NRDC: variants seen among roughly 807,000 people sequenced by gnomAD.
The protein encoded by NRDC is nardilysin convertase.
NRDC carries 54 observed loss-of-function variants against 147.1 expected under a neutral mutation model. The observed-to-expected ratio is 0.37, with a 90% CI of 0.29 to 0.46. The LOEUF (loss-of-function observed/expected upper bound fraction) is 0.46. NRDC is among the 20% of genes least tolerant of loss of function. The pLI is 1.00. For missense variants in NRDC, 1,082 were observed against 1,370.6 expected (o/e 0.79, Z 3.33); for synonymous variants, 440 against 482.1 (o/e 0.91, Z 1.14).
intron 20 of NRDC, among the ~76,000 whole-genome samples, chr1:51,801,777 T>C (rs1399773325): frequency 6.6e-6 from 1 of 152,030 alleles, no homozygotes; most frequent in Non-Finnish European, 1.5e-5. Flanking sequence ...TGATAGTTCT[T>C]TACTTGAGGT....
intron 4 of NRDC, among the ~76,000 whole-genome samples, chr1:51,831,582 CTTTT>C (rs1232005769): frequency 7.0e-6 from 1 of 143,104 alleles, no homozygotes; most frequent in Non-Finnish European, 1.5e-5. Context: ...ATTTATCTTT[CTTTT>C]TTTTTTTTTT....
At position 51,842,525 on chromosome 1, in the gene NRDC, CTG is replaced by C. The variant is rs148272577; in HGVS notation, c.342-2013_342-2012del. Reference sequence around the variant, plus strand: ...GTCTACTGACAGCAGAATAAAAAAACTGTGGTATATTCATATAATGAAAATTT... The same window carrying C: ...GTCTACTGACAGCAGAATAAAAAAACTGGTATATTCATATAATGAAAATTT... On this transcript the variant is annotated intron_variant, in intron 1 of 30. Coordinates refer to ENST00000352171, the MANE Select transcript of NRDC (RefSeq NM_001101662.2). Among the ~76,000 whole-genome samples, 1,414 of 152,256 alleles carry C rather than the reference CTG, an allele frequency of 9.3e-3. 25 individuals are homozygous for C. Among genetic ancestry groups the C allele is most frequent in the African/African-American group, 0.032 (1,348 of 41,546 alleles).
intron 1 of NRDC, among the ~76,000 whole-genome samples, chr1:51,858,200 C>A (rs1164380701): frequency 6.6e-6 from 1 of 152,026 alleles, no homozygotes; most frequent in Non-Finnish European, 1.5e-5. Context: ...GCAAATAGGG[C>A]CAGGTGTGGT....
rs1308860654 is a variant in NRDC, at chr1:51,812,021, A to C, written c.1752T>G (p.Asp584Glu). The C allele has an allele frequency of 1.2e-6, 2 of 1,613,618 alleles. No homozygotes were observed. The highest frequency in any genetic ancestry group is 1.7e-6 in the Non-Finnish European group (2 of 1,179,718). Reference sequence around the variant, plus strand: ...CTGGCTTGTATTCAAAAAGAAGCTGATCTCCAGTGAGAATGTCCTGCAATG... The same window carrying C: ...CTGGCTTGTATTCAAAAAGAAGCTGCTCTCCAGTGAGAATGTCCTGCAATG... ...LYPLQDILTG[D>E]QLLFEYKPEV... Residue 584 changes from aspartate to glutamate, a missense_variant, in exon 15 of 31, where the codon GAT becomes GAG. Physicochemically the swap from Asp to Glu is conservative, Grantham distance 45 (BLOSUM62 2). Coordinates refer to ENST00000352171, the MANE Select transcript of NRDC (RefSeq NM_001101662.2).
intron 1 of NRDC, among the ~76,000 whole-genome samples, chr1:51,872,961 T>C (rs1571929445): frequency 6.7e-6 from 1 of 149,850 alleles, no homozygotes; most frequent in Non-Finnish European, 1.5e-5. Flanking sequence ...GTCAATCTCA[T>C]GGAATTTACA....
intron 2 of NRDC, chr1:51,837,576 T>A (rs748818682): frequency 6.9e-6 from 11 of 1,593,930 alleles, no homozygotes; most frequent in Non-Finnish European, 9.4e-6. Flanking sequence ...TAAACCACAG[T>A]CTATCAGTCA....
At chr1:51,816,718 A>C (rs79020339) in intron 10 of NRDC, among the ~76,000 whole-genome samples, 2,706 of 152,320 alleles carry the variant, frequency 0.018, 79 homozygotes, top group African/African-American at 0.062. Context: ...TTATCAGTCT[A>C]GAACCTAATA....
intron 18 of NRDC, among the ~76,000 whole-genome samples, chr1:51,806,559 T>C (rs988428301): frequency 6.6e-6 from 1 of 152,162 alleles, no homozygotes; most frequent in South Asian, 2.1e-4. Context: ...GAAAGAGAAG[T>C]AGGTGATATA....
chr1:51,850,114 T>C (rs1192600634), intron 1 of NRDC, among the ~76,000 whole-genome samples: 2 of 151,282 alleles, frequency 1.3e-5, no homozygotes, highest in Non-Finnish European at 2.9e-5. Flanking sequence ...GAGGCGGAGG[T>C]TGCAGTGAGC....
intron 22 of NRDC, among the ~76,000 whole-genome samples, chr1:51,796,132 T>C (rs1678893742): frequency 6.6e-6 from 1 of 152,046 alleles, no homozygotes; most frequent in Non-Finnish European, 1.5e-5. Context: ...TCTGCCACCT[T>C]AGCCTCCCAA....
chr1:51,820,920 T>C (rs751683526), intron 8 of NRDC, among the ~76,000 whole-genome samples: 10 of 152,260 alleles, frequency 6.6e-5, no homozygotes, highest in East Asian at 3.9e-4. Context: ...TTTTAAATAT[T>C]TGTACTATTT....
At chr1:51,819,946 A>T in intron 8 of NRDC, 73 bp from the exon 9 acceptor site, 1 of 1,087,930 alleles carries the variant, frequency 9.2e-7, no homozygotes, top group Non-Finnish European at 1.4e-6. Flanking sequence ...GGGATATCTA[A>T]CTGAGAGATA....
chr1:51,850,933 G>T (rs1179281672), intron 1 of NRDC, among the ~76,000 whole-genome samples: 3 of 152,040 alleles, frequency 2.0e-5, no homozygotes, highest in Non-Finnish European at 4.4e-5. Context: ...GGCCTTATTG[G>T]ACTGGGTGAG....
At chr1:51,838,440 T>C (rs1008747843) in intron 2 of NRDC, among the ~76,000 whole-genome samples, 1 of 152,214 alleles carries the variant, frequency 6.6e-6, no homozygotes, top group Non-Finnish European at 1.5e-5. Flanking sequence ...GAGACAATTT[T>C]TAACTGTTTT....
chr1:51,862,902 C>T (rs1682611150), intron 1 of NRDC, among the ~76,000 whole-genome samples: 2 of 146,696 alleles, frequency 1.4e-5, no homozygotes, highest in Non-Finnish European at 1.5e-5. Context: ...CCCAGCTACT[C>T]GGGAGGCTGA....
chr1:51,794,486 T>A lies in NRDC; in HGVS notation c.2761A>T (p.Thr921Ser). ...LNKGDANSEV[T>S]VYYQSGTRSL... ...ACCCAACTGACCTGGTAGTACACAG[T>A]GACTTCAGAGTTGGCATCACCCTTG... The change falls in exon 24 of 31, where the codon ACT becomes TCT. Residue 921 changes from threonine to serine, a missense_variant. Transcript: ENST00000352171. The A allele has an allele frequency of 6.2e-7, 1 of 1,614,172 alleles. No homozygotes were observed. The highest frequency in any genetic ancestry group is 2.2e-5 in the East Asian group (1 of 44,878).
chr1:51,794,990 T>C, intron 22 of NRDC, 136 bp from the exon 23 acceptor site: 3 of 1,526,692 alleles, frequency 2.0e-6, no homozygotes, highest in Non-Finnish European at 2.6e-6. Context: ...GTGACCTAAA[T>C]GCTGGCAAGT....
chr1:51,812,418 CTTGGGGAG>C (rs1305941578), intron 14 of NRDC, among the ~76,000 whole-genome samples: 1 of 152,060 alleles, frequency 6.6e-6, no homozygotes, highest in Admixed American at 6.6e-5. Flanking sequence ...GTGTCAGCTC[CTTGGGGAG>C]CTGAGGTGGG....
At chr1:51,845,512 G>A (rs1681511418) in intron 1 of NRDC, among the ~76,000 whole-genome samples, 1 of 152,114 alleles carries the variant, frequency 6.6e-6, no homozygotes, top group Non-Finnish European at 1.5e-5. Flanking sequence ...AGAATCACTC[G>A]AACCCGGGAG....
Sources: allele counts gnomAD v4.1 joint callset (sites outside exome capture counted in the v4.1 genomes callset), GRCh38; gene constraint gnomAD v4.1.1; transcripts MANE v1.5; gene names NCBI Gene and HGNC (gene_info 2026-07-23, HGNC 2026-07-21).